The following HIPK2 variants were observed in gnomAD, a reference collection of about 807,000 sequenced individuals.
HIPK2 encodes homeodomain-interacting protein kinase 2.
HIPK2 carries 27 observed loss-of-function variants against 113.7 expected under a neutral mutation model. The ratio of observed to expected loss-of-function variants is 0.24; its 90% CI spans 0.17 to 0.33. HIPK2 has a LOEUF of 0.33. Among genes scored for constraint, HIPK2 ranks in the 10% least tolerant of loss-of-function variants. HIPK2 has a pLI of 1.00. For missense variants in HIPK2, 1,257 were observed against 1,588.0 expected, an observed-to-expected ratio of 0.79 and a Z score of 3.54; for synonymous variants, 631 against 642.2, an observed-to-expected ratio of 0.98 and a Z score of 0.26.
chr7:139,603,466 G>A (rs781668617), intron 10 of HIPK2, among the ~76,000 whole-genome samples: 1 of 152,136 alleles, frequency 6.6e-6, no homozygotes, highest in Non-Finnish European at 1.5e-5. Flanking sequence ...GATGCAGGGG[G>A]TATGCTGTGC....
intron 2 of HIPK2, among the ~76,000 whole-genome samples, chr7:139,667,853 G>A (rs1802101557): frequency 2.0e-5 from 3 of 151,998 alleles, no homozygotes; most frequent in South Asian, 2.1e-4. Context: ...GGCTGGGAGC[G>A]GTGGCTCGCA....
In HIPK2 at chr7:139,568,790, C is replaced by CT. The variant is rs1383073724; in HGVS notation, c.*4136dup. The CT allele has an allele frequency of 6.6e-6, 1 of 152,290 alleles. No homozygotes were observed. Among genetic ancestry groups the CT allele is most frequent in the Non-Finnish European group, 1.5e-5 (1 of 68,096 alleles). 9.4% of individuals were successfully genotyped at this position (152,290 alleles called of 1,614,324 possible). ...TGGGCATCCAGGGAGCTGGCCTCTC[C>CT]TGCAGGGAGCTTCTCTTGGGGCTTC... On this transcript the variant is annotated 3_prime_UTR_variant, in exon 15 of 15. Coordinates refer to ENST00000406875, the MANE Select transcript of HIPK2 (RefSeq NM_022740.5).
intron 1 of HIPK2, among the ~76,000 whole-genome samples, chr7:139,744,725 C>T (rs1294338856): frequency 2.0e-5 from 3 of 152,154 alleles, no homozygotes; most frequent in Admixed American, 6.5e-5. Context: ...GCCAAGAGGC[C>T]CGCTGCGAAG....
intron 12 of HIPK2, among the ~76,000 whole-genome samples, chr7:139,592,091 G>A (rs1363515295): frequency 6.6e-6 from 1 of 152,178 alleles, no homozygotes; most frequent in African/African-American, 2.4e-5. Flanking sequence ...GATTTCTCTA[G>A]ACTTTCAACT....
chr7:139,724,120 A>C (rs980279041), intron 1 of HIPK2, among the ~76,000 whole-genome samples: 10 of 152,156 alleles, frequency 6.6e-5, no homozygotes, highest in African/African-American at 2.4e-4. Context: ...AAATTATAGA[A>C]TATGTCAAAA....
intron 1 of HIPK2, among the ~76,000 whole-genome samples, chr7:139,763,380 T>C (rs1468287754): frequency 6.6e-6 from 1 of 151,626 alleles, no homozygotes; most frequent in Admixed American, 6.6e-5. Context: ...GACATTATGG[T>C]GGCTTAGGCT....
intron 2 of HIPK2, among the ~76,000 whole-genome samples, chr7:139,702,803 A>G (rs1794750766): frequency 6.6e-6 from 1 of 152,208 alleles, no homozygotes. Flanking sequence ...CTGGACTTGC[A>G]AAGTCCTGCT....
intron 2 of HIPK2, among the ~76,000 whole-genome samples, chr7:139,677,511 C>T (rs182155200): frequency 6.6e-6 from 1 of 152,186 alleles, no homozygotes; most frequent in African/African-American, 2.4e-5. Flanking sequence ...TGAGCCCTCA[C>T]ACAGCGGAAG....
At chr7:139,593,509 T>C (rs1176567733) in intron 12 of HIPK2, among the ~76,000 whole-genome samples, 2 of 152,208 alleles carry the variant, frequency 1.3e-5, no homozygotes, top group Non-Finnish European at 2.9e-5. Context: ...TGGCTTTCTT[T>C]TAAAAATTCT....
At chr7:139,719,787 T>C (rs1279112373) in intron 1 of HIPK2, among the ~76,000 whole-genome samples, 1 of 152,252 alleles carries the variant, frequency 6.6e-6, no homozygotes, top group Non-Finnish European at 1.5e-5. Flanking sequence ...CATCCAATTC[T>C]TTATTTCTGC....
At chr7:139,656,579 C>T (rs1240479662) in intron 2 of HIPK2, among the ~76,000 whole-genome samples, 2 of 152,194 alleles carry the variant, frequency 1.3e-5, no homozygotes, top group South Asian at 4.1e-4. Context: ...AGCCTGCTGC[C>T]TGACTCACTT....
intron 2 of HIPK2, among the ~76,000 whole-genome samples, chr7:139,712,386 G>C (rs1345981407): frequency 6.6e-6 from 1 of 152,218 alleles, no homozygotes; most frequent in East Asian, 1.9e-4. Context: ...GGTGGGATGA[G>C]ACACTTAGCC....
chr7:139,657,697 T>A (rs1177224745), intron 2 of HIPK2, among the ~76,000 whole-genome samples: 1 of 152,126 alleles, frequency 6.6e-6, no homozygotes, highest in Non-Finnish European at 1.5e-5. Flanking sequence ...ACTGTAAGAG[T>A]CATGCCAGGC....
chr7:139,657,370 T>C (rs1801707972), intron 2 of HIPK2, among the ~76,000 whole-genome samples: 1 of 152,228 alleles, frequency 6.6e-6, no homozygotes, highest in Admixed American at 6.5e-5. Context: ...GTGGCTTGTG[T>C]TGACCCAAAT....
intron 5 of HIPK2, among the ~76,000 whole-genome samples, chr7:139,627,145 C>T (rs1013144754): frequency 6.6e-6 from 1 of 152,174 alleles, no homozygotes; most frequent in African/African-American, 2.4e-5. Flanking sequence ...GAAAAGAGTT[C>T]TGGAGACTGG....
Position 139,613,097 on chromosome 7 carries a change from CCTAA to C in HIPK2, c.2112+101_2112+104del, listed in dbSNP as rs1799894489. 9 of 1,354,418 alleles carry C rather than the reference CCTAA, an allele frequency of 6.6e-6. No homozygotes were observed. In the South Asian group the frequency reaches 1.2e-4, roughly 18 times the overall value. The allele number at this position is 1,354,418 out of a possible 1,614,324, so 83.9% of individuals were successfully genotyped here. On this transcript the variant is annotated intron_variant, in intron 9 of 14. Coordinates refer to ENST00000406875, the MANE Select transcript of HIPK2 (RefSeq NM_022740.5). The surrounding 1 kb of genome is among the most constrained non-coding windows in gnomAD (Gnocchi z 4.2). Reference sequence around the variant, plus strand: ...AGATACATTCCAATGACTAGAAGCACCTAACTCATTACTAGGGAGAGAGGGAGTG... The same window carrying C: ...AGATACATTCCAATGACTAGAAGCACCTCATTACTAGGGAGAGAGGGAGTG...
intron 7 of HIPK2, among the ~76,000 whole-genome samples, chr7:139,615,215 G>A (rs1281762976): frequency 6.6e-6 from 1 of 152,232 alleles, no homozygotes; most frequent in Admixed American, 6.5e-5. Context: ...TCAGGACTAT[G>A]GGCAGTACTG....
chr7:139,581,605 G>A (rs1308889000), intron 13 of HIPK2, among the ~76,000 whole-genome samples: 2 of 152,172 alleles, frequency 1.3e-5, no homozygotes, highest in Admixed American at 6.5e-5. Flanking sequence ...CTGGGGGAGC[G>A]CTGAACTCTC....
chr7:139,604,024 T>C, intron 10 of HIPK2, 57 bp downstream of exon 10: 3 of 1,609,630 alleles, frequency 1.9e-6, no homozygotes, highest in South Asian at 1.1e-5. Context: ...GTGTTGGCAG[T>C]GGACGTGCCT....
Sources: gnomAD v4.1 joint callset for allele counts (sites outside exome capture counted in the v4.1 genomes callset) on GRCh38, gnomAD v4.1.1 for gene constraint, Gnocchi (gnomAD v3.1) non-coding constraint, MANE v1.5 for transcripts, NCBI Gene and HGNC (gene_info 2026-07-23, HGNC 2026-07-21) for gene names.